FER: variants seen among roughly 807,000 people sequenced by gnomAD.
FER encodes the protein tyrosine-protein kinase Fer.
FER carries 63 observed loss-of-function variants against 111.0 expected under a neutral mutation model. The ratio of observed to expected loss-of-function variants is 0.57; its 90% CI spans 0.46 to 0.70. The LOEUF is 0.70. Among genes scored for constraint, FER ranks in the 30% least tolerant of loss-of-function variants. The pLI is 0.00. For missense variants in FER, 914 were observed against 954.0 expected, an observed-to-expected ratio of 0.96 and a Z score of 0.55; for synonymous variants, 327 against 313.9, an observed-to-expected ratio of 1.04 and a Z score of -0.44.
chr5:108,873,554 A>G (rs892532388), intron 8 of FER, among the ~76,000 whole-genome samples: 1 of 152,198 alleles, frequency 6.6e-6, no homozygotes, highest in Non-Finnish European at 1.5e-5. Context: ...CATACTGACT[A>G]CTGGTGAGAG....
intron 5 of FER, among the ~76,000 whole-genome samples, chr5:108,853,986 G>A (rs1762765291): frequency 6.6e-6 from 1 of 152,158 alleles, no homozygotes; most frequent in South Asian, 2.1e-4. Context: ...GTTTGGACCT[G>A]GTTGGTAGCA....
chr5:109,104,885 G>A (rs938491146), intron 17 of FER, among the ~76,000 whole-genome samples: 12 of 151,978 alleles, frequency 7.9e-5, no homozygotes, highest in Admixed American at 5.9e-4. Flanking sequence ...TGGGACTACA[G>A]GTGCCCGCCA....
chr5:108,972,580 C>T (rs935505202), intron 13 of FER, among the ~76,000 whole-genome samples: 28 of 152,032 alleles, frequency 1.8e-4, no homozygotes, highest in Non-Finnish European at 5.9e-5. Context: ...GTATATCTGA[C>T]GTGCCCATTA....
intron 10 of FER, among the ~76,000 whole-genome samples, chr5:108,920,328 A>T (rs1752857719): frequency 6.6e-6 from 1 of 152,088 alleles, no homozygotes; most frequent in African/African-American, 2.4e-5. Context: ...TAATTATTTT[A>T]AATTGTTTGC....
At chr5:109,149,832 A>G (rs1754625572) in intron 17 of FER, among the ~76,000 whole-genome samples, 1 of 152,156 alleles carries the variant, frequency 6.6e-6, no homozygotes, top group Non-Finnish European at 1.5e-5. Context: ...AGTGAAAAAT[A>G]TTTACTTTAA....
chr5:108,908,042 A>C (rs1198069944), intron 10 of FER, among the ~76,000 whole-genome samples: 1 of 152,206 alleles, frequency 6.6e-6, no homozygotes, highest in Non-Finnish European at 1.5e-5. Context: ...CAATTTCATT[A>C]TTATTTATAT....
At chr5:109,003,550 G>A (rs530747281) in intron 13 of FER, among the ~76,000 whole-genome samples, 28 of 151,804 alleles carry the variant, frequency 1.8e-4, no homozygotes, top group Non-Finnish European at 3.8e-4. Flanking sequence ...ACACCAGCAT[G>A]GCACATGTAT....
chr5:108,834,856 C>T (rs1402765173), intron 4 of FER, among the ~76,000 whole-genome samples: 1 of 152,176 alleles, frequency 6.6e-6, no homozygotes, highest in South Asian at 2.1e-4. Flanking sequence ...TCATCAAGAA[C>T]ATTGGTGATA....
intron 16 of FER, chr5:109,051,320 C>T: frequency 6.3e-7 from 1 of 1,582,970 alleles, no homozygotes; most frequent in South Asian, 1.1e-5. Context: ...ATCTAGATCT[C>T]CAGGTCATCA....
chr5:108,795,539 T>C (rs1755922230), intron 2 of FER, among the ~76,000 whole-genome samples: 1 of 152,006 alleles, frequency 6.6e-6, no homozygotes, highest in Non-Finnish European at 1.5e-5. Context: ...TGGTTTATTC[T>C]CTTTTATTCT....
rs568899837 is a variant in FER, at chr5:108,889,063, A to T, written c.1046+5545A>T. Among the ~76,000 whole-genome samples, 8 of 151,882 alleles carry T rather than the reference A, an allele frequency of 5.3e-5. No homozygotes were observed. In the South Asian group the frequency reaches 1.7e-3, roughly 32 times the overall value. On this transcript the variant is annotated intron_variant, in intron 9 of 19. Transcript: ENST00000281092. ...GGGAATAAAAAAGACCTTCCTCCAA[A>T]ACAGATTATTTGGGTAGGCGCCCAA...
Position 109,189,896 on chromosome 5 carries a change from G to C in FER, c.*2321G>C, listed in dbSNP as rs750164860. The C allele has an allele frequency of 1.3e-5, 2 of 152,122 alleles. No individual in the cohort carries two copies. The highest frequency in any genetic ancestry group is 2.9e-5 in the Non-Finnish European group (2 of 68,004). The allele number at this position is 152,122 out of a possible 1,614,324, so 9.4% of individuals were successfully genotyped here. ...AATTTGCAGTTCACATCATTACTCT[G>C]TGCTTAAATTTAAAAAGCTTTTCAA... On this transcript the variant is annotated 3_prime_UTR_variant, in exon 20 of 20. Coordinates refer to ENST00000281092, the MANE Select transcript of FER (RefSeq NM_005246.4).
rs904525048 is a variant in FER at position 109,123,737 on chromosome 5, C to T, written c.2048+23218C>T. Among the ~76,000 whole-genome samples, 6 of 152,126 alleles carry T rather than the reference C, an allele frequency of 3.9e-5. No individual in the cohort carries two copies. In the East Asian group the frequency reaches 7.7e-4, roughly 20 times the overall value. Reference sequence around the variant, plus strand: ...TATTATTTCTATCTTCTTATATTATCGATCAGACTGAAATTTAATTCTATA... The same window carrying T: ...TATTATTTCTATCTTCTTATATTATTGATCAGACTGAAATTTAATTCTATA... On this transcript the variant is annotated intron_variant, in intron 17 of 19. Coordinates refer to ENST00000281092, the MANE Select transcript of FER (RefSeq NM_005246.4).
At chr5:108,815,347 G>C (rs867769305) in intron 3 of FER, among the ~76,000 whole-genome samples, 2 of 152,014 alleles carry the variant, frequency 1.3e-5, no homozygotes, top group South Asian at 2.1e-4. Context: ...TGTGGATCTT[G>C]TATCATTTTG....
chr5:109,136,229 G>T (rs1414204828), intron 17 of FER, among the ~76,000 whole-genome samples: 1 of 151,962 alleles, frequency 6.6e-6, no homozygotes, highest in Non-Finnish European at 1.5e-5. Context: ...GGAGGCAGAG[G>T]TTGCAATGAG....
chr5:109,014,518 T>A (rs535009615), intron 13 of FER, among the ~76,000 whole-genome samples: 138 of 152,298 alleles, frequency 9.1e-4, no homozygotes, highest in African/African-American at 3.2e-3. Context: ...GGTAGCGTGA[T>A]GCCTCCAGCT....
Position 109,047,180 on chromosome 5 carries a change from A to AT in FER, c.1908dup (p.Met637TyrfsTer8), listed in dbSNP as rs772810328. 1 of 1,599,970 alleles carries AT rather than the reference A, an allele frequency of 6.3e-7. No individual in the cohort carries two copies. Among genetic ancestry groups the AT allele is most frequent in the East Asian group, 2.3e-5 (1 of 44,064 alleles). On this transcript the variant is annotated frameshift_variant, in exon 16 of 20. Coordinates refer to ENST00000281092, the MANE Select transcript of FER (RefSeq NM_005246.4). LOFTEE classifies it high-confidence loss of function. The stretch of plus-strand genomic sequence containing the variant: ...CACACAAAGACAGCCTGTCTACATC[A>AT]TTATGGAACTGGTTTCAGGTAATGT...
In FER at chr5:109,047,058, T is replaced by A. The variant is rs762023218; in HGVS notation, c.1830-46T>A. 6.8e-6 allele frequency: 7 copies of A among 1,025,776 alleles called. No individual in the cohort carries two copies. The African/African-American group carries it at 1.1e-4, about 17-fold the overall frequency. The allele number at this position is 1,025,776 out of a possible 1,614,324, so 63.5% of individuals were successfully genotyped here. A position where few individuals can be genotyped will look rare whatever the true frequency, so the allele number is the denominator to read the frequency against. On this transcript the variant is annotated intron_variant, in intron 15 of 19. Coordinates refer to ENST00000281092, the MANE Select transcript of FER (RefSeq NM_005246.4). Reference sequence around the variant, plus strand: ...CCTATTTGTGATCACAAATTAATGCTTTATTATTCAAATGATAACTATTCG... The same window carrying A: ...CCTATTTGTGATCACAAATTAATGCATTATTATTCAAATGATAACTATTCG...
At chr5:109,029,633 C>T (rs917174018) in intron 13 of FER, among the ~76,000 whole-genome samples, 29 of 152,052 alleles carry the variant, frequency 1.9e-4, no homozygotes, top group Middle Eastern at 3.4e-3. Flanking sequence ...TATTTTCTTT[C>T]AACACTGGAA....
Sources: allele counts gnomAD v4.1 joint callset (sites outside exome capture counted in the v4.1 genomes callset), GRCh38; gene constraint gnomAD v4.1.1; transcripts MANE v1.5; gene names NCBI Gene and HGNC (gene_info 2026-07-23, HGNC 2026-07-21).